The following CNBD2 variants were observed in gnomAD, a reference collection of about 807,000 sequenced individuals.
The protein encoded by CNBD2 is cyclic nucleotide binding domain containing 2.
CNBD2 carries 64 observed loss-of-function variants against 63.7 expected under a neutral mutation model. The observed-to-expected ratio is 1.00, with a 90% CI of 0.82 to 1.24. CNBD2 has a LOEUF of 1.24. Ranked by LOEUF, CNBD2 falls within the 50% of genes most tolerant of loss-of-function variation. The pLI, the probability that CNBD2 is intolerant of heterozygous loss-of-function variation, is 0.00. For synonymous variants in CNBD2, 229 were observed against 255.4 expected, an observed-to-expected ratio of 0.90 and a Z score of 0.99; for missense variants, 691 against 713.5, an observed-to-expected ratio of 0.97 and a Z score of 0.36.
At chr20:35,975,254 G>C (rs1601021280) in intron 2 of CNBD2, among the ~76,000 whole-genome samples, 1 of 136,532 alleles carries the variant, frequency 7.3e-6, no homozygotes, top group East Asian at 2.1e-4. Flanking sequence ...GCCCGCCTCG[G>C]CCTCCCAAAG....
At chr20:36,000,645 C>T (rs184337824) in intron 8 of CNBD2, among the ~76,000 whole-genome samples, 8 of 152,144 alleles carry the variant, frequency 5.3e-5, no homozygotes, top group African/African-American at 9.6e-5. Flanking sequence ...CTGCAACTTC[C>T]GCCTCCCAGT....
At chr20:35,998,563 A>G (rs1008936665) in intron 8 of CNBD2, among the ~76,000 whole-genome samples, 1 of 151,992 alleles carries the variant, frequency 6.6e-6, no homozygotes, top group African/African-American at 2.4e-5. Flanking sequence ...CTTTCTGTCT[A>G]CTTGCTCTAT....
Position 35,968,637 on chromosome 20 carries a change from G to A in CNBD2, c.-126G>A, listed in dbSNP as rs1274801347. On this transcript the variant is annotated 5_prime_UTR_variant, in exon 1 of 12. The change creates a premature stop within an existing upstream ORF in the 5' untranslated region. Transcript: ENST00000373973. ...ATGGTATGGTAGGAGGAGTGGAGTG[G>A]AGCTCTTGCCTTGTTACTGAGGAAA... 11 of 645,602 alleles carry A rather than the reference G, an allele frequency of 1.7e-5. No homozygotes were observed. 40.0% of individuals were successfully genotyped at this position (645,602 alleles called of 1,614,324 possible).
At chr20:36,022,217 T>TTTTTTTTGTTTTTTTTTTTTG (rs561441076) in intron 10 of CNBD2, among the ~76,000 whole-genome samples, 1 of 107,120 alleles carries the variant, frequency 9.3e-6, no homozygotes, top group African/African-American at 4.9e-5. Context: ...TTTTTTTTTT[T>TTTTTTTTGTTTTTTTTTTTTG]GAGATGGAGT....
At chr20:36,001,504 C>T (rs529727580) in intron 8 of CNBD2, among the ~76,000 whole-genome samples, 1,772 of 150,490 alleles carry the variant, frequency 0.012, 11 homozygotes, top group South Asian at 0.034. Flanking sequence ...CTGACCCCCC[C>T]ACCTCCCTCC....
chr20:36,026,079 G>C (rs1379822017), intron 11 of CNBD2, among the ~76,000 whole-genome samples: 1 of 152,042 alleles, frequency 6.6e-6, no homozygotes, highest in Non-Finnish European at 1.5e-5. Context: ...TGTCATCCAG[G>C]CTGGCATGCT....
intron 8 of CNBD2, among the ~76,000 whole-genome samples, chr20:36,001,300 C>G (rs2056896212): frequency 6.6e-6 from 1 of 151,228 alleles, no homozygotes; most frequent in Admixed American, 6.6e-5. Context: ...CTCCTCACTT[C>G]CCAGTAGGGG....
chr20:36,017,810 C>T (rs911173462), intron 10 of CNBD2, among the ~76,000 whole-genome samples: 1 of 152,142 alleles, frequency 6.6e-6, no homozygotes, highest in African/African-American at 2.4e-5. Context: ...CCTATTGCTC[C>T]TCCTGGAAAG....
chr20:36,002,676 A>AT (rs765262866), intron 8 of CNBD2, among the ~76,000 whole-genome samples: 6 of 152,018 alleles, frequency 3.9e-5, no homozygotes, highest in Admixed American at 1.3e-4. Flanking sequence ...CTGATTTTGA[A>AT]TTTTTTTATC....
At chr20:35,966,894 T>G (rs186953033), upstream of CNBD2, among the ~76,000 whole-genome samples, 1 of 152,376 alleles carries the variant, frequency 6.6e-6, no homozygotes, top group East Asian at 1.9e-4. Context: ...TGTTCCCCAC[T>G]TCCTACTTAG....
chr20:36,011,426 C>G (rs1441630815), intron 10 of CNBD2, among the ~76,000 whole-genome samples, 169 bp downstream of exon 10: 1 of 152,226 alleles, frequency 6.6e-6, no homozygotes, highest in Non-Finnish European at 1.5e-5. Context: ...GTGGCTCACA[C>G]CTGTAATCCC....
At chr20:36,003,157 A>T (rs1447773051) in intron 8 of CNBD2, among the ~76,000 whole-genome samples, 1 of 152,076 alleles carries the variant, frequency 6.6e-6, no homozygotes, top group Non-Finnish European at 1.5e-5. Flanking sequence ...TAATTTCCAC[A>T]ACTCTACTTA....
chr20:36,030,591 G>A lies in CNBD2; in HGVS notation c.1674G>A (p.Leu558=). The A allele has an allele frequency of 1.2e-6, 2 of 1,614,146 alleles. No individual in the cohort carries two copies. The highest frequency in any genetic ancestry group is 1.7e-6 in the Non-Finnish European group (2 of 1,180,022). The change falls in exon 12 of 12, where the codon TTG becomes TTA. Residue 558 remains leucine, a synonymous_variant. Transcript: ENST00000373973. The part of the protein sequence containing the change: ...FMAPQKYLPP[L]RIVQAIKAPR... ...CACCCCAGAAATACCTCCCCCCATTGAGGATTGTCCAAGCCATCAAAGCAC... is the reference window on the plus strand; with the variant it reads ...CACCCCAGAAATACCTCCCCCCATTAAGGATTGTCCAAGCCATCAAAGCAC...
At chr20:35,969,076 A>T (rs2056376333) in intron 1 of CNBD2, among the ~76,000 whole-genome samples, 1 of 152,150 alleles carries the variant, frequency 6.6e-6, no homozygotes, top group Non-Finnish European at 1.5e-5. Flanking sequence ...TCCAGAGAGA[A>T]CGAGGGAGGA....
At chr20:35,973,058 C>T (rs987586707) in intron 2 of CNBD2, 4 of 490,212 alleles carry the variant, frequency 8.2e-6, no homozygotes, top group Non-Finnish European at 1.4e-5. Flanking sequence ...GCTGCCAAAA[C>T]TCATGGCAGG....
At chr20:36,024,969 T>C (rs1172730649) in intron 11 of CNBD2, among the ~76,000 whole-genome samples, 6 of 152,088 alleles carry the variant, frequency 3.9e-5, no homozygotes, top group Non-Finnish European at 8.8e-5. Context: ...ATAAATAAGA[T>C]GTTCATAGCA....
At chr20:35,979,112 C>T (rs996871572) in intron 3 of CNBD2, among the ~76,000 whole-genome samples, 5 of 152,078 alleles carry the variant, frequency 3.3e-5, no homozygotes, top group African/African-American at 1.2e-4. Context: ...GTGTGGCTGG[C>T]CTGCAGTGAG....
Position 35,984,727 on chromosome 20 carries a change from AG to A in CNBD2, c.666del (p.Lys222AsnfsTer35), listed in dbSNP as rs2056644644. On this transcript the variant is annotated frameshift_variant, in exon 6 of 12. Coordinates refer to ENST00000373973, the MANE Select transcript of CNBD2 (RefSeq NM_001365709.1). LOFTEE classifies it high-confidence loss of function. ...GACCGGGAGGACTTCTTTGCTAATA[AG>A]CTGGACCAGGAAGTTCAGAAGGATG... ...VVDREDFFAN[K>X]LDQEVQKDAQ... 1 of 1,614,094 alleles carries A rather than the reference AG, an allele frequency of 6.2e-7. No homozygotes were observed. The highest frequency in any genetic ancestry group is 1.3e-5 in the African/African-American group (1 of 74,930).
chr20:35,990,986 G>C (rs997152402), intron 7 of CNBD2, among the ~76,000 whole-genome samples: 2 of 152,098 alleles, frequency 1.3e-5, no homozygotes, highest in Admixed American at 6.6e-5. Flanking sequence ...ATTCATCATA[G>C]AAGTTATACC....
Sources: allele counts gnomAD v4.1 joint callset (sites outside exome capture counted in the v4.1 genomes callset), GRCh38; gene constraint gnomAD v4.1.1; transcripts MANE v1.5; gene names NCBI Gene and HGNC (gene_info 2026-07-23, HGNC 2026-07-21).